The following ERP27 variants were observed in gnomAD, a reference collection of about 807,000 sequenced individuals.
The protein encoded by ERP27 is endoplasmic reticulum resident protein 27.
Under a neutral mutation model 27.7 loss-of-function variants are expected in ERP27, and 23 were observed. The observed-to-expected ratio is 0.83, with a 90% confidence interval of 0.60 to 1.18. The LOEUF is 1.18. ERP27 is among the 50% of genes most tolerant of loss of function. The pLI, the probability that ERP27 is intolerant of heterozygous loss-of-function variation, is 0.00. For missense variants in ERP27, 363 were observed against 327.9 expected (o/e 1.11, Z -0.83); for synonymous variants, 159 against 118.3 (o/e 1.34, Z -2.23).
chr12:14,924,234 C>T (rs1252979685), intron 3 of ERP27, among the ~76,000 whole-genome samples: 1 of 152,152 alleles, frequency 6.6e-6, no homozygotes, highest in Admixed American at 6.5e-5. Flanking sequence ...TGAATAGTGT[C>T]CATTGTATAT....
chr12:14,927,829 T>C (rs562720020), intron 3 of ERP27, among the ~76,000 whole-genome samples: 1 of 152,142 alleles, frequency 6.6e-6, no homozygotes, highest in South Asian at 2.1e-4. Context: ...TAGTCTTTGG[T>C]GGAAAGGATT....
At chr12:14,929,464 A>G (rs1863664434) in intron 3 of ERP27, among the ~76,000 whole-genome samples, 2 of 152,214 alleles carry the variant, frequency 1.3e-5, no homozygotes, top group African/African-American at 4.8e-5. Flanking sequence ...TGTAAAGGGA[A>G]TTATTTGCAT....
intron 2 of ERP27, among the ~76,000 whole-genome samples, chr12:14,936,085 C>G (rs1201084839): frequency 6.6e-6 from 1 of 151,942 alleles, no homozygotes. Flanking sequence ...AATAAACTGG[C>G]TTTTCCTCCC....
At chr12:14,920,354 T>C (rs1398485111) in intron 4 of ERP27, among the ~76,000 whole-genome samples, 1 of 152,198 alleles carries the variant, frequency 6.6e-6, no homozygotes, top group Admixed American at 6.5e-5. Context: ...GACCAGGAAC[T>C]GTTTGTTACT....
intron 3 of ERP27, among the ~76,000 whole-genome samples, chr12:14,923,880 A>G (rs548794170): frequency 6.6e-6 from 1 of 152,276 alleles, no homozygotes; most frequent in South Asian, 2.1e-4. Context: ...TCTTGTAGCT[A>G]TTATTAAATT....
In ERP27 at chr12:14,921,505, G is replaced by A. The variant is rs74915803; in HGVS notation, c.334-457C>T. ...AGAGAGATCAGCTTAGAGGGATAAG[G>A]AAGAGCAAATTTGGAAGTGTTCTGA... On this transcript the variant is annotated intron_variant, in intron 3 of 6. Coordinates refer to ENST00000266397, the MANE Select transcript of ERP27 (RefSeq NM_152321.4). Among the ~76,000 whole-genome samples the A allele has an allele frequency of 2.8e-3, 420 of 152,284 alleles. 1 individual carries two copies. The highest frequency in any genetic ancestry group is 9.5e-3 in the African/African-American group (396 of 41,552).
intron 3 of ERP27, chr12:14,929,013 C>T (rs1442247585): frequency 4.6e-6 from 7 of 1,535,258 alleles, no homozygotes; most frequent in Non-Finnish European, 6.1e-6. Flanking sequence ...AAATCATCAT[C>T]ATTATCATCA....
At chr12:14,915,395 C>T in intron 6 of ERP27, 94 bp downstream of exon 6, 1 of 1,356,108 alleles carries the variant, frequency 7.4e-7, no homozygotes, top group South Asian at 1.4e-5. Context: ...ATTTTGCTCT[C>T]CTCCCTCTCT....
chr12:14,919,552 C>A (rs1414359845), intron 4 of ERP27, among the ~76,000 whole-genome samples: 4 of 152,082 alleles, frequency 2.6e-5, no homozygotes, highest in African/African-American at 9.7e-5. Flanking sequence ...ATAGAGTCAC[C>A]AACTCCACAG....
At chr12:14,915,865 G>C (rs1239567978) in intron 5 of ERP27, 179 bp from the exon 6 acceptor site, 2 of 624,766 alleles carry the variant, frequency 3.2e-6, no homozygotes, top group Non-Finnish European at 5.5e-6. Context: ...CATGTCTTTT[G>C]TGGGAACGTG....
At chr12:14,918,004 C>G (rs2120547146) in intron 4 of ERP27, among the ~76,000 whole-genome samples, 1 of 152,316 alleles carries the variant, frequency 6.6e-6, no homozygotes, top group South Asian at 2.1e-4. Flanking sequence ...TGTTGCAAGA[C>G]TAGTCAGAGA....
At chr12:14,938,180 G>T in intron 1 of ERP27, 128 bp from the exon 2 acceptor site, 1 of 790,190 alleles carries the variant, frequency 1.3e-6, no homozygotes, top group Non-Finnish European at 2.1e-6. Flanking sequence ...AGTACTGTTG[G>T]CATTCCAAGG....
chr12:14,923,624 T>C (rs1863549578), intron 3 of ERP27, among the ~76,000 whole-genome samples: 1 of 151,962 alleles, frequency 6.6e-6, no homozygotes, highest in Non-Finnish European at 1.5e-5. Flanking sequence ...AATACTGCCA[T>C]GCCATTAGTT....
rs1280861834 is a variant in ERP27, at chr12:14,915,692, G to A, written c.577-6C>T. 6.2e-7 allele frequency: 1 copy of A among 1,609,800 alleles called. No homozygotes were observed. Among genetic ancestry groups the A allele is most frequent in the Non-Finnish European group, 8.5e-7 (1 of 1,176,922 alleles). On this transcript the variant is annotated splice_polypyrimidine_tract_variant and splice_region_variant and intron_variant, in intron 5 of 6. Coordinates refer to ENST00000266397, the MANE Select transcript of ERP27 (RefSeq NM_152321.4). ...TCCACCAGAATAAAGAGAATCTGCA[G>A]TTGGGGAAGTTTGAAAGAAAAAGTT...
chr12:14,927,766 A>G (rs1310119855), intron 3 of ERP27, among the ~76,000 whole-genome samples: 2 of 151,884 alleles, frequency 1.3e-5, no homozygotes, highest in African/African-American at 2.4e-5. Context: ...ACACACACAC[A>G]CACACACACA....
At chr12:14,920,235 G>C (rs1463186990) in intron 4 of ERP27, among the ~76,000 whole-genome samples, 1 of 152,178 alleles carries the variant, frequency 6.6e-6, no homozygotes. Flanking sequence ...CCTTTACTCA[G>C]ATTGCATGCA....
chr12:14,922,139 T>C (rs1863513762), intron 3 of ERP27, among the ~76,000 whole-genome samples: 1 of 152,222 alleles, frequency 6.6e-6, no homozygotes, highest in Non-Finnish European at 1.5e-5. Context: ...TATGCCTCTG[T>C]ATCCACTGAG....
At chr12:14,920,796 G>C in intron 4 of ERP27, 136 bp downstream of exon 4, 1 of 651,064 alleles carries the variant, frequency 1.5e-6, no homozygotes, top group Non-Finnish European at 2.7e-6. Flanking sequence ...GGTGTAGGAA[G>C]GATAGTAACA....
At chr12:14,936,509 G>A (rs1166904061) in intron 2 of ERP27, among the ~76,000 whole-genome samples, 1 of 152,196 alleles carries the variant, frequency 6.6e-6, no homozygotes, top group Non-Finnish European at 1.5e-5. Flanking sequence ...TCCCCAGGCT[G>A]AAGGAGGAGA....
Sources: allele counts gnomAD v4.1 joint callset (sites outside exome capture counted in the v4.1 genomes callset), GRCh38; gene constraint gnomAD v4.1.1; transcripts MANE v1.5; gene names NCBI Gene and HGNC (gene_info 2026-07-23, HGNC 2026-07-21).